Variants in IL18R1 observed in about 807,000 individuals in gnomAD.
The protein encoded by IL18R1 is interleukin-18 receptor 1.
Under a neutral mutation model 48.5 loss-of-function variants are expected in IL18R1, and 40 were observed. The ratio of observed to expected loss-of-function variants is 0.82; its 90% confidence interval spans 0.64 to 1.07. IL18R1 has a LOEUF of 1.07. Among genes scored for constraint, IL18R1 ranks in the 50% least tolerant of loss-of-function variants. IL18R1 has a pLI of 0.00. For missense variants in IL18R1, 596 were observed against 633.7 expected (o/e 0.94, Z 0.64); for synonymous variants, 232 against 225.9 (o/e 1.03, Z -0.24).
chr2:102,386,352 T>A (rs998417121), intron 7 of IL18R1, among the ~76,000 whole-genome samples: 2 of 152,242 alleles, frequency 1.3e-5, no homozygotes, highest in Admixed American at 1.3e-4. Flanking sequence ...TGGAACAACT[T>A]AACTGGCACT....
At chr2:102,360,776 A>G (rs11465563) in intron 1 of IL18R1, among the ~76,000 whole-genome samples, 2,522 of 152,312 alleles carry the variant, frequency 0.017, 26 homozygotes, top group Non-Finnish European at 0.025. Context: ...AACAATTAAA[A>G]ACCCTTAAAA....
At chr2:102,375,082 C>T (rs11465621) in intron 4 of IL18R1, among the ~76,000 whole-genome samples, 103 of 152,284 alleles carry the variant, frequency 6.8e-4, no homozygotes, top group African/African-American at 2.3e-3. Flanking sequence ...ATTCTATGCA[C>T]AATGGGTCTA....
Position 102,390,208 on chromosome 2 carries a change from A to G in IL18R1, c.1102A>G (p.Thr368Ala). 1.2e-6 allele frequency: 2 copies of G among 1,613,750 alleles called. No homozygotes were observed. Among genetic ancestry groups the G allele is most frequent in the Non-Finnish European group, 1.7e-6 (2 of 1,179,672 alleles). Residue 368 changes from threonine to alanine, a missense_variant, in exon 9 of 11, where the codon ACA (threonine) becomes GCA (alanine). Thr to Ala is a moderately conservative substitution (Grantham distance 58). This residue lies in a region of IL18R1 where 179 missense variants were observed against 206.1 expected (regional missense o/e 0.87). Coordinates refer to ENST00000233957, the MANE Select transcript of IL18R1 (RefSeq NM_003855.5). ...TAGACATTTAACGAGAAGAGATGAA[A>G]CATTAACAGGTAACACATATAATGC... ...FYRHLTRRDE[T>A]LTDGKTYDAF...
intron 1 of IL18R1, among the ~76,000 whole-genome samples, chr2:102,362,338 A>G (rs549977275): frequency 6.6e-6 from 1 of 152,268 alleles, no homozygotes; most frequent in South Asian, 2.1e-4. Flanking sequence ...ATTGTTCTGA[A>G]CTTTGGCCTT....
Position 102,396,619 on chromosome 2 carries a change from G to T in IL18R1, c.1359G>T (p.Arg453Ser). 6.2e-7 allele frequency: 1 copy of T among 1,613,422 alleles called. No homozygotes were observed. Residue 453 changes from arginine to serine, a missense_variant, in exon 11 of 11, where the codon AGG (arginine) becomes AGT (serine). This residue lies in a region of IL18R1 where 179 missense variants were observed against 206.1 expected (regional missense o/e 0.87). Coordinates refer to ENST00000233957, the MANE Select transcript of IL18R1 (RefSeq NM_003855.5). The stretch of plus-strand genomic sequence containing the variant: ...AAAGTTATATGTCTAATGAGGTCAG[G>T]TATGAACTTGAAAGTGGACTCCATG... ...LSKSYMSNEV[R>S]YELESGLHEA...
chr2:102,370,113 A>G (rs1203992989), intron 3 of IL18R1, among the ~76,000 whole-genome samples: 1 of 152,174 alleles, frequency 6.6e-6, no homozygotes, highest in Non-Finnish European at 1.5e-5. Flanking sequence ...CTGCAGCAGG[A>G]AAGTGTGGTC....
At chr2:102,379,170 G>A (rs187685487) in intron 5 of IL18R1, among the ~76,000 whole-genome samples, 1 of 152,226 alleles carries the variant, frequency 6.6e-6, no homozygotes, top group African/African-American at 2.4e-5. Context: ...GGGGCCGGGT[G>A]TGGTGGCTCA....
At position 102,376,093 on chromosome 2, in the gene IL18R1, CAG is replaced by C. The variant is rs1477437984; in HGVS notation, c.625+32_625+33del. The C allele has an allele frequency of 2.0e-6, 3 of 1,519,856 alleles. No homozygotes were observed. The South Asian group carries it at 3.8e-5, about 19-fold the overall frequency. The allele number at this position is 1,519,856 out of a possible 1,614,324, so 94.1% of individuals were successfully genotyped here. On this transcript the variant is annotated intron_variant, in intron 5 of 10. Coordinates refer to ENST00000233957, the MANE Select transcript of IL18R1 (RefSeq NM_003855.5). ...GGGAAATCTTAGAATTGGGAAGAAA[CAG>C]ACGTATTTTAGTAAAATGGAATTTT...
intron 8 of IL18R1, among the ~76,000 whole-genome samples, chr2:102,387,316 A>C (rs1680293169): frequency 6.6e-6 from 1 of 152,216 alleles, no homozygotes; most frequent in African/African-American, 2.4e-5. Flanking sequence ...TGCACCCAGC[A>C]CTGCACCCAG....
intron 5 of IL18R1, among the ~76,000 whole-genome samples, chr2:102,378,896 C>A (rs912977409): frequency 6.6e-6 from 1 of 152,206 alleles, no homozygotes; most frequent in Admixed American, 6.5e-5. Flanking sequence ...TTGGGGAAGA[C>A]AGCCAGGAGG....
intron 10 of IL18R1, among the ~76,000 whole-genome samples, chr2:102,395,693 C>A (rs557797035): frequency 5.3e-5 from 8 of 152,092 alleles, no homozygotes; most frequent in African/African-American, 1.4e-4. Context: ...TTTCTAGGGG[C>A]CTTTCTTGAA....
intron 5 of IL18R1, among the ~76,000 whole-genome samples, chr2:102,380,674 C>T (rs548337246): frequency 2.6e-5 from 4 of 152,148 alleles, no homozygotes; most frequent in South Asian, 4.1e-4. Context: ...TCTGGCACTG[C>T]ACTTTCTGAG....
At chr2:102,367,555 T>A (rs917343258) in intron 2 of IL18R1, among the ~76,000 whole-genome samples, 13 of 152,238 alleles carry the variant, frequency 8.5e-5, no homozygotes, top group African/African-American at 3.1e-4. Context: ...ATCAGTCTTC[T>A]AGCTATGGTT....
chr2:102,378,797 A>G (rs1679743053), intron 5 of IL18R1, among the ~76,000 whole-genome samples: 1 of 152,214 alleles, frequency 6.6e-6, no homozygotes, highest in Admixed American at 6.5e-5. Flanking sequence ...GCCACATACA[A>G]CAAGAAGTCT....
At chr2:102,391,281 T>C (rs1033693642) in intron 9 of IL18R1, among the ~76,000 whole-genome samples, 1 of 152,172 alleles carries the variant, frequency 6.6e-6, no homozygotes, top group South Asian at 2.1e-4. Flanking sequence ...CCCTCATTGA[T>C]AGCACATCTG....
At chr2:102,377,385 G>T (rs1679651084) in intron 5 of IL18R1, among the ~76,000 whole-genome samples, 1 of 152,164 alleles carries the variant, frequency 6.6e-6, no homozygotes, top group South Asian at 2.1e-4. Flanking sequence ...CAGCCTTGGG[G>T]CTCACTGCAA....
At chr2:102,389,013 T>C (rs1043363285) in intron 8 of IL18R1, among the ~76,000 whole-genome samples, 1 of 152,174 alleles carries the variant, frequency 6.6e-6, no homozygotes, top group African/African-American at 2.4e-5. Flanking sequence ...TATACATATA[T>C]GCATGTATAT....
At chr2:102,366,500 T>G (rs11465588) in intron 2 of IL18R1, among the ~76,000 whole-genome samples, 2,109 of 152,300 alleles carry the variant, frequency 0.014, 51 homozygotes, top group African/African-American at 0.049. Flanking sequence ...TGTTCCAAAC[T>G]GCCCTCCAAA....
chr2:102,368,361 T>C (rs570546066), intron 3 of IL18R1, among the ~76,000 whole-genome samples: 1 of 152,364 alleles, frequency 6.6e-6, no homozygotes, highest in Admixed American at 6.5e-5. Flanking sequence ...ATTCAGCTGC[T>C]CCTGTTGTCT....
Sources: gnomAD v4.1 joint callset for allele counts (sites outside exome capture counted in the v4.1 genomes callset) on GRCh38, gnomAD v4.1.1 for gene constraint, gnomAD v4.1.1 regional missense constraint, MANE v1.5 for transcripts, NCBI Gene and HGNC (gene_info 2026-07-23, HGNC 2026-07-21) for gene names.